Variants in PTPRN2 observed in about 807,000 individuals in gnomAD.
PTPRN2 encodes the protein receptor-type tyrosine-protein phosphatase N2.
Under a neutral mutation model 118.8 loss-of-function variants are expected in PTPRN2, and 74 were observed. The observed-to-expected ratio is 0.62, with a 90% CI of 0.52 to 0.76. PTPRN2 has a LOEUF of 0.76. Ranked by LOEUF, PTPRN2 falls within the 30% of genes least tolerant of loss-of-function variation. PTPRN2 has a pLI of 0.00. For synonymous variants in PTPRN2, 641 were observed against 608.0 expected (o/e 1.05, Z -0.80); for missense variants, 1,481 against 1,394.4 (o/e 1.06, Z -0.99).
chr7:158,011,108 G>A (rs10243316), intron 11 of PTPRN2, among the ~76,000 whole-genome samples: 127,660 of 152,056 alleles, frequency 0.84, 53,684 homozygotes, highest in East Asian at 0.88. Context: ...AAGGTGTGCA[G>A]ATGACAGAGT....
chr7:158,233,107 C>G (rs970553095), intron 3 of PTPRN2, among the ~76,000 whole-genome samples: 1 of 151,980 alleles, frequency 6.6e-6, no homozygotes, highest in Non-Finnish European at 1.5e-5. Context: ...AATACAGGCA[C>G]CCAAATTGGA....
chr7:157,673,345 G>A (rs1796504066), intron 13 of PTPRN2, among the ~76,000 whole-genome samples: 1 of 152,144 alleles, frequency 6.6e-6, no homozygotes, highest in African/African-American at 2.4e-5. Flanking sequence ...TTAACCATCA[G>A]TAATTCTCCC....
At chr7:157,760,129 C>G (rs1415119746) in intron 12 of PTPRN2, among the ~76,000 whole-genome samples, 1 of 152,182 alleles carries the variant, frequency 6.6e-6, no homozygotes, top group African/African-American at 2.4e-5. Context: ...GCTCTAGGGG[C>G]CTCCTTCTGC....
rs568491582 is a variant in PTPRN2, at chr7:157,709,465, C to T, written c.1789-26528G>A. Among the ~76,000 whole-genome samples, 14 of 152,268 alleles carry T rather than the reference C, an allele frequency of 9.2e-5. No homozygotes were observed. The South Asian group carries it at 1.2e-3, about 14-fold the overall frequency. On this transcript the variant is annotated intron_variant, in intron 12 of 22. Transcript: ENST00000389418. ...GAAATTACTGGCAGTGGACATTTAC[C>T]ACTGGGTTACTCGGACATCTAGAGC...
chr7:158,261,780 C>G (rs943096949), intron 3 of PTPRN2, among the ~76,000 whole-genome samples: 1 of 152,200 alleles, frequency 6.6e-6, no homozygotes, highest in South Asian at 2.1e-4. Context: ...CATGAGCCAC[C>G]CTCAGAACCT....
At position 158,526,512 on chromosome 7, in the gene PTPRN2, C is replaced by T. The variant is rs1041431333; in HGVS notation, c.113-36727G>A. 3.9e-5 allele frequency among the ~76,000 whole-genome samples: 6 copies of T among 152,110 alleles called. No individual in the cohort carries two copies. Among genetic ancestry groups the T allele is most frequent in the South Asian group, 2.1e-4 (1 of 4,826 alleles). ...TGGACTGTGGCTTGGGAAACTGACT[C>T]GGTTGTTCTCCATTCCTGATCCCAT... On this transcript the variant is annotated intron_variant, in intron 1 of 22. Coordinates refer to ENST00000389418, the MANE Select transcript of PTPRN2 (RefSeq NM_002847.5). This position sits in a 1 kb window ranked among gnomAD's most constrained non-coding sequence, Gnocchi z 5.2.
At chr7:157,962,785 A>G (rs866076161) in intron 11 of PTPRN2, among the ~76,000 whole-genome samples, 28 of 152,250 alleles carry the variant, frequency 1.8e-4, no homozygotes, top group Middle Eastern at 3.4e-3. Context: ...TCTCAGCCTC[A>G]CCCCAGAAGG....
intron 2 of PTPRN2, among the ~76,000 whole-genome samples, chr7:158,350,301 G>A (rs1339712716): frequency 2.0e-5 from 3 of 152,182 alleles, no homozygotes; most frequent in African/African-American, 7.2e-5. Context: ...ACTGAAACAG[G>A]CGGCTCTTTC....
intron 12 of PTPRN2, among the ~76,000 whole-genome samples, chr7:157,843,658 G>GA (rs1237554277): frequency 1.3e-5 from 2 of 152,166 alleles, no homozygotes; most frequent in Non-Finnish European, 2.9e-5. Context: ...GCAGGTGTCG[G>GA]AAAAAAATTT....
Position 157,990,732 on chromosome 7 carries a change from C to A in PTPRN2, c.1723+90566G>T, listed in dbSNP as rs1180270310. ...TCAGGAGCTGGGGCTGCCTGGGGCA[C>A]AAAGCACGTGGACTAGGACACTGGA... On this transcript the variant is annotated intron_variant, in intron 11 of 22. Coordinates refer to ENST00000389418, the MANE Select transcript of PTPRN2 (RefSeq NM_002847.5). The surrounding 1 kb of genome is among the most constrained non-coding windows in gnomAD (Gnocchi z 4.3). 6.6e-6 allele frequency among the ~76,000 whole-genome samples: 1 copy of A among 152,132 alleles called. No individual in the cohort carries two copies. The highest frequency in any genetic ancestry group is 2.4e-5 in the African/African-American group (1 of 41,430).
chr7:158,534,483 A>G (rs1020515497), intron 1 of PTPRN2, among the ~76,000 whole-genome samples: 2 of 152,110 alleles, frequency 1.3e-5, no homozygotes, highest in Non-Finnish European at 2.9e-5. Context: ...CATCAGGGAC[A>G]GCTGTGTGCT....
intron 2 of PTPRN2, among the ~76,000 whole-genome samples, chr7:158,440,750 CAG>C (rs1481412205): frequency 1.6e-5 from 2 of 124,640 alleles, no homozygotes; most frequent in Admixed American, 8.5e-5. Flanking sequence ...GTGGTGGTGA[CAG>C]TGGTGGTGGT....
rs374720123 is a variant in PTPRN2, at chr7:158,475,396, G to A, written c.163+14339C>T. Among the ~76,000 whole-genome samples the A allele has an allele frequency of 1.1e-3, 164 of 152,248 alleles. 1 individual carries two copies. Among genetic ancestry groups the A allele is most frequent in the Middle Eastern group, 6.8e-3 (2 of 294 alleles). On this transcript the variant is annotated intron_variant, in intron 2 of 22. Coordinates refer to ENST00000389418, the MANE Select transcript of PTPRN2 (RefSeq NM_002847.5). ...TAGTTCCCTTGATTCAGGCACCCCC[G>A]GCCACTCTCCCAGCGAGACCATGAA... is the stretch of plus-strand genomic sequence containing the variant.
chr7:158,506,562 G>A (rs759912499), intron 1 of PTPRN2, among the ~76,000 whole-genome samples: 3 of 151,740 alleles, frequency 2.0e-5, no homozygotes, highest in Admixed American at 6.6e-5. Context: ...CTTAACATCC[G>A]TCTTCTCCTT....
At chr7:158,396,642 G>A (rs1245831526) in intron 2 of PTPRN2, among the ~76,000 whole-genome samples, 4 of 151,238 alleles carry the variant, frequency 2.6e-5, no homozygotes, top group South Asian at 2.1e-4. Context: ...GGGCAGCTCC[G>A]TTCTCACAGG....
At chr7:158,202,139 G>A (rs544002850) in intron 4 of PTPRN2, among the ~76,000 whole-genome samples, 1 of 152,226 alleles carries the variant, frequency 6.6e-6, no homozygotes, top group East Asian at 1.9e-4. Context: ...AATCGTGGAA[G>A]ACAATGAAAA....
At chr7:158,341,120 C>T (rs1199435684) in intron 2 of PTPRN2, among the ~76,000 whole-genome samples, 93 of 21,324 alleles carry the variant, frequency 4.4e-3, no homozygotes, top group Middle Eastern at 0.019. Flanking sequence ...CACACCCACA[C>T]GTCACTCACA....
chr7:158,393,827 T>C (rs2151382997), intron 2 of PTPRN2, among the ~76,000 whole-genome samples: 1 of 152,202 alleles, frequency 6.6e-6, no homozygotes, highest in East Asian at 1.9e-4. Flanking sequence ...TTCTCAAACG[T>C]GGTGAGCAGC....
chr7:157,626,002 A>G (rs897705400), intron 14 of PTPRN2, among the ~76,000 whole-genome samples: 2 of 152,184 alleles, frequency 1.3e-5, no homozygotes, highest in African/African-American at 4.8e-5. Flanking sequence ...CCTCAACAGA[A>G]TACAATTTAC....
Sources: gnomAD v4.1 joint callset for allele counts (sites outside exome capture counted in the v4.1 genomes callset) on GRCh38, gnomAD v4.1.1 for gene constraint, Gnocchi (gnomAD v3.1) non-coding constraint, MANE v1.5 for transcripts, NCBI Gene and HGNC (gene_info 2026-07-23, HGNC 2026-07-21) for gene names.